Variants in ECE1 observed in about 807,000 individuals in gnomAD.
ECE1 encodes endothelin converting enzyme 1.
ECE1 carries 35 observed loss-of-function variants against 98.6 expected under a neutral mutation model. That is an observed-to-expected ratio of 0.35 (90% CI 0.27 to 0.47). The LOEUF is 0.47. Ranked by LOEUF, ECE1 falls within the 20% of genes least tolerant of loss-of-function variation. The probability of loss-of-function intolerance (pLI) is 1.00; values close to 1 mark genes in which losing one functional copy is unlikely to be tolerated. For synonymous variants in ECE1, 394 were observed against 407.1 expected (o/e 0.97, Z 0.39); for missense variants, 814 against 1,025.3 (o/e 0.79, Z 2.81).
intron 10 of ECE1, among the ~76,000 whole-genome samples, chr1:21,240,904 T>C (rs2098195267): frequency 6.6e-6 from 1 of 152,244 alleles, no homozygotes; most frequent in South Asian, 2.1e-4. Context: ...ACACGAGCTT[T>C]CATTCATTTA....
At chr1:21,325,272 G>C (rs749036040) in intron 1 of ECE1, among the ~76,000 whole-genome samples, 1 of 152,218 alleles carries the variant, frequency 6.6e-6, no homozygotes. Flanking sequence ...ATCTTTCTCT[G>C]AGCTTCTGCT....
rs1198533759 is a variant in ECE1, at chr1:21,234,792, G to C, written c.1566+1058C>G. On this transcript the variant is annotated intron_variant, in intron 13 of 18. Transcript: ENST00000374893. ...CTGCGCCTGGCTCAGCTCTTGACAG[G>C]TGCAAAATTCTCCCTGGTTCTGGTG... Among the ~76,000 whole-genome samples, 5 of 152,176 alleles carry C rather than the reference G, an allele frequency of 3.3e-5. No homozygotes were observed. In the South Asian group the frequency reaches 1.0e-3, roughly 32 times the overall value.
At chr1:21,297,773 A>T (rs1638398294) in intron 1 of ECE1, among the ~76,000 whole-genome samples, 1 of 151,046 alleles carries the variant, frequency 6.6e-6, no homozygotes. Flanking sequence ...CTGACTTCAG[A>T]TGATCCACCC....
Position 21,256,048 on chromosome 1 carries a change from T to C in ECE1, c.919A>G (p.Ile307Val), listed in dbSNP as rs748423934. Residue 307 changes from isoleucine (I) to valine (V), a missense_variant, in exon 8 of 19, where the codon ATC becomes GTC. Ile to Val is a conservative substitution (Grantham distance 29, BLOSUM62 3). Transcript: ENST00000374893. ...GCCAGTGCCGTCTCAAAGTCCAAGA[T>C]CTGCTGCATCTGGGGCCGGATGGCC... Reference protein sequence around the residue: ...EEAIRPQMQQILDFETALANI... With the variant: ...EEAIRPQMQQVLDFETALANI... The C allele has an allele frequency of 6.2e-7, 1 of 1,612,852 alleles. No individual in the cohort carries two copies. The highest frequency in any genetic ancestry group is 1.7e-5 in the Admixed American group (1 of 60,012).
intron 2 of ECE1, among the ~76,000 whole-genome samples, chr1:21,283,050 T>C (rs1049576634): frequency 1.3e-5 from 2 of 149,352 alleles, no homozygotes; most frequent in South Asian, 4.3e-4. Flanking sequence ...CAAGAGATTC[T>C]CCTGCCTCAG....
chr1:21,326,814 G>A (rs765512006), intron 1 of ECE1, among the ~76,000 whole-genome samples: 3 of 152,074 alleles, frequency 2.0e-5, no homozygotes, highest in African/African-American at 7.2e-5. Context: ...GCAGCTCCCC[G>A]CTGCTGGGGA....
At chr1:21,344,619 G>C (rs1303897981) in intron 1 of ECE1, among the ~76,000 whole-genome samples, 1 of 152,054 alleles carries the variant, frequency 6.6e-6, no homozygotes, top group African/African-American at 2.4e-5. Flanking sequence ...TTCTCTTCTG[G>C]GGCTTTAGAG....
At chr1:21,331,468 G>C (rs1482723938) in intron 1 of ECE1, among the ~76,000 whole-genome samples, 2 of 152,072 alleles carry the variant, frequency 1.3e-5, no homozygotes, top group Non-Finnish European at 2.9e-5. Context: ...TGTAGTCTCA[G>C]TTACTCGAGA....
chr1:21,220,075 G>T lies in ECE1; in HGVS notation c.2193C>A (p.Pro731=). The change falls in exon 19 of 19, where the codon CCC becomes CCA. Residue 731 remains proline (P), a synonymous_variant. Coordinates refer to ENST00000374893, the MANE Select transcript of ECE1 (RefSeq NM_001397.3). The surrounding 1 kb of genome is among the most constrained non-coding windows in gnomAD (Gnocchi z 5.0). ...ESSHEGLITD[P]HSPSRFRVIG... ...TGACCCGGAAGCGAGAGGGGCTGTG[G>T]GGATCGGTGATGAGGCCTTCGTGGG... The T allele has an allele frequency of 6.2e-7, 1 of 1,614,200 alleles. No individual in the cohort carries two copies. Among genetic ancestry groups the T allele is most frequent in the South Asian group, 1.1e-5 (1 of 91,086 alleles).
Position 21,259,525 on chromosome 1 carries a change from C to T in ECE1, c.616-686G>A, listed in dbSNP as rs566046689. Among the ~76,000 whole-genome samples the T allele has an allele frequency of 1.4e-4, 21 of 152,186 alleles. 1 individual carries two copies. In the South Asian group the frequency reaches 3.9e-3, roughly 29 times the overall value. On this transcript the variant is annotated intron_variant, in intron 5 of 18. Transcript: ENST00000374893. ...AAGTGATCCTCCTGCCTCAGCCTCC[C>T]GAGAAAGTTGGGATTTTAAAAAATC... is the stretch of plus-strand genomic sequence containing the variant.
intron 1 of ECE1, among the ~76,000 whole-genome samples, chr1:21,328,845 C>T (rs1418815072): frequency 1.3e-5 from 2 of 151,734 alleles, no homozygotes; most frequent in African/African-American, 4.8e-5. Context: ...GGAACACAGG[C>T]CTCGGCTGCT....
At position 21,220,089 on chromosome 1, in the gene ECE1, G is replaced by C; in HGVS notation, c.2179C>G (p.Leu727Val). The C allele has an allele frequency of 6.2e-7, 1 of 1,614,080 alleles. No homozygotes were observed. Among genetic ancestry groups the C allele is most frequent in the South Asian group, 1.1e-5 (1 of 91,086 alleles). Residue 727 changes from leucine (L) to valine (V), a missense_variant, in exon 19 of 19, where the codon CTC becomes GTC. Physicochemically the swap from Leu to Val is conservative, Grantham distance 32. Around this residue, in one of 3 missense-constraint regions of ECE1, gnomAD observed 452 missense variants for 567.3 expected, o/e 0.80. Transcript: ENST00000374893. This position sits in a 1 kb window ranked among gnomAD's most constrained non-coding sequence, Gnocchi z 5.0. Reference sequence around the variant, plus strand: ...GAGGGGCTGTGGGGATCGGTGATGAGGCCTTCGTGGGAGCTCTCAGGTGTG... The same window carrying C: ...GAGGGGCTGTGGGGATCGGTGATGACGCCTTCGTGGGAGCTCTCAGGTGTG... ...VRTPESSHEG[L>V]ITDPHSPSRF...
chr1:21,300,867 G>A (rs1201967931), intron 1 of ECE1, among the ~76,000 whole-genome samples: 8 of 152,176 alleles, frequency 5.3e-5, no homozygotes, highest in Non-Finnish European at 8.8e-5. Flanking sequence ...TCCAGCTACT[G>A]AGCCTGTTTC....
chr1:21,250,729 C>T (rs1354993240), intron 8 of ECE1, among the ~76,000 whole-genome samples: 5 of 152,202 alleles, frequency 3.3e-5, no homozygotes, highest in Non-Finnish European at 5.9e-5. Flanking sequence ...ATGCTGAGGC[C>T]GGGCGCGGTG....
At chr1:21,339,136 C>T (rs984169332) in intron 1 of ECE1, among the ~76,000 whole-genome samples, 6 of 151,246 alleles carry the variant, frequency 4.0e-5, no homozygotes, top group South Asian at 2.1e-4. Flanking sequence ...GATCTCAGGG[C>T]GGGGGACTGG....
chr1:21,328,071 T>C (rs1055461283), intron 1 of ECE1, among the ~76,000 whole-genome samples: 1 of 152,168 alleles, frequency 6.6e-6, no homozygotes, highest in African/African-American at 2.4e-5. Flanking sequence ...AAAATTGTCT[T>C]CCACGAAGCC....
chr1:21,303,350 A>C (rs1324397873), intron 1 of ECE1, among the ~76,000 whole-genome samples: 1 of 152,242 alleles, frequency 6.6e-6, no homozygotes, highest in Non-Finnish European at 1.5e-5. Context: ...GTGGAGAAAC[A>C]GTCAGAATTC....
intron 1 of ECE1, among the ~76,000 whole-genome samples, chr1:21,296,457 G>A (rs1166361574): frequency 6.6e-6 from 1 of 152,184 alleles, no homozygotes; most frequent in Non-Finnish European, 1.5e-5. Flanking sequence ...AGGCTACAGT[G>A]AGCTGAGATC....
At chr1:21,334,963 A>G (rs777808822) in intron 1 of ECE1, among the ~76,000 whole-genome samples, 2 of 152,048 alleles carry the variant, frequency 1.3e-5, no homozygotes, top group Non-Finnish European at 2.9e-5. Context: ...TCGCCCCTCA[A>G]CGTGGGGTCC....
Sources: allele counts gnomAD v4.1 joint callset (sites outside exome capture counted in the v4.1 genomes callset), GRCh38; gene constraint gnomAD v4.1.1; regional missense constraint gnomAD v4.1.1; non-coding constraint Gnocchi (gnomAD v3.1); transcripts MANE v1.5; gene names NCBI Gene and HGNC (gene_info 2026-07-23, HGNC 2026-07-21).